Variants in ZFHX3 observed in about 807,000 individuals in gnomAD.
The protein encoded by ZFHX3 is zinc finger homeobox 3, also known as zinc finger homeobox protein 3.
ZFHX3 carries 42 observed loss-of-function variants against 279.1 expected under a neutral mutation model. The observed-to-expected ratio is 0.15, with a 90% CI of 0.12 to 0.19. The LOEUF is 0.19. ZFHX3 is among the 10% of genes least tolerant of loss of function. The pLI, the probability that ZFHX3 is intolerant of heterozygous loss-of-function variation, is 1.00. For synonymous variants in ZFHX3, 2,293 were observed against 1,957.8 expected, an observed-to-expected ratio of 1.17 and a Z score of -4.52; for missense variants, 4,981 against 4,754.0, an observed-to-expected ratio of 1.05 and a Z score of -1.40.
intron 1 of ZFHX3, among the ~76,000 whole-genome samples, chr16:73,856,105 A>T (rs1176032641): frequency 6.6e-6 from 1 of 152,188 alleles, no homozygotes; most frequent in Non-Finnish European, 1.5e-5. Flanking sequence ...GTTTACAAAG[A>T]CTTATGTACA....
intron 1 of ZFHX3, among the ~76,000 whole-genome samples, chr16:73,023,848 T>A (rs1964400268): frequency 6.6e-6 from 1 of 152,064 alleles, no homozygotes; most frequent in Non-Finnish European, 1.5e-5. Context: ...CGTGGCTCCA[T>A]CCACGGCAAC....
chr16:72,915,530 C>G (rs554225260), intron 3 of ZFHX3, among the ~76,000 whole-genome samples: 137 of 152,208 alleles, frequency 9.0e-4, no homozygotes, highest in African/African-American at 2.7e-3. Flanking sequence ...TCCTGGATGC[C>G]AAGGCTCAAG....
At chr16:73,746,161 G>C (rs2142264838) in intron 1 of ZFHX3, among the ~76,000 whole-genome samples, 1 of 152,250 alleles carries the variant, frequency 6.6e-6, no homozygotes, top group Admixed American at 6.5e-5. Flanking sequence ...CATATCATTT[G>C]ATTATTGCAT....
chr16:72,943,115 C>A (rs1596991826), intron 3 of ZFHX3, among the ~76,000 whole-genome samples: 2 of 152,314 alleles, frequency 1.3e-5, no homozygotes, highest in East Asian at 1.9e-4. Flanking sequence ...GCTTTTCACA[C>A]CAGCTAGGAA....
At chr16:73,456,933 T>G (rs1307030662) in intron 2 of ZFHX3, among the ~76,000 whole-genome samples, 3 of 152,136 alleles carry the variant, frequency 2.0e-5, no homozygotes, top group Non-Finnish European at 4.4e-5. Flanking sequence ...GTCAGAGGAG[T>G]GCCCCAAAAC....
At chr16:73,492,569 G>A (rs1341618484) in intron 2 of ZFHX3, among the ~76,000 whole-genome samples, 2 of 152,094 alleles carry the variant, frequency 1.3e-5, no homozygotes, top group Admixed American at 6.6e-5. Context: ...CCTGCATAAC[G>A]CATGGGATGC....
chr16:73,823,411 A>G (rs1464485592), intron 1 of ZFHX3, among the ~76,000 whole-genome samples: 1 of 152,224 alleles, frequency 6.6e-6, no homozygotes, highest in Admixed American at 6.5e-5. Context: ...GACAGATGAA[A>G]GGCAACACAG....
intron 1 of ZFHX3, among the ~76,000 whole-genome samples, chr16:73,880,921 A>G (rs966923894): frequency 2.0e-5 from 3 of 152,178 alleles, no homozygotes; most frequent in Non-Finnish European, 2.9e-5. Context: ...TATAGGCGAG[A>G]AGAGTATGAA....
chr16:72,912,168 C>A (rs1463733263), intron 3 of ZFHX3, among the ~76,000 whole-genome samples: 2 of 152,212 alleles, frequency 1.3e-5, no homozygotes, highest in African/African-American at 4.8e-5. Context: ...TAGACAAAGG[C>A]AGGAGCTCGA....
intron 1 of ZFHX3, among the ~76,000 whole-genome samples, chr16:73,797,404 T>C (rs972750983): frequency 1.3e-5 from 2 of 152,202 alleles, no homozygotes; most frequent in African/African-American, 4.8e-5. Flanking sequence ...CCTGTGTTTC[T>C]GGAACTGCAC....
chr16:72,869,328 C>T (rs13331811), intron 4 of ZFHX3, among the ~76,000 whole-genome samples: 4,866 of 152,236 alleles, frequency 0.032, 278 homozygotes, highest in African/African-American at 0.11. Context: ...AGCCAGAGCC[C>T]TCGCCAACCA....
At chr16:72,792,992 T>C (rs1173111965) in intron 9 of ZFHX3, among the ~76,000 whole-genome samples, 1 of 152,228 alleles carries the variant, frequency 6.6e-6, no homozygotes, top group African/African-American at 2.4e-5. Context: ...GAAATTAGTA[T>C]GCCAGGACCC....
chr16:73,752,249 T>C (rs1222609988), intron 1 of ZFHX3, among the ~76,000 whole-genome samples: 2 of 152,212 alleles, frequency 1.3e-5, no homozygotes, highest in Non-Finnish European at 2.9e-5. Flanking sequence ...AACGACCTCC[T>C]TTTGATTTCA....
chr16:73,559,733 G>A (rs1038867528), intron 2 of ZFHX3, among the ~76,000 whole-genome samples: 35 of 152,064 alleles, frequency 2.3e-4, no homozygotes, highest in African/African-American at 6.3e-4. Context: ...GGTCTTTGGC[G>A]GACTCTGGCT....
At chr16:72,879,991 T>C (rs948365916) in intron 4 of ZFHX3, among the ~76,000 whole-genome samples, 9 of 152,170 alleles carry the variant, frequency 5.9e-5, no homozygotes, top group Non-Finnish European at 1.0e-4. Flanking sequence ...TTTCCTGTCC[T>C]AACAAGTGTC....
chr16:72,930,248 T>C (rs1382622170), intron 3 of ZFHX3, among the ~76,000 whole-genome samples: 2 of 151,922 alleles, frequency 1.3e-5, no homozygotes, highest in South Asian at 2.1e-4. Flanking sequence ...TAAAATAAAA[T>C]AATATACTTC....
At chr16:73,598,068 G>T (rs1412845153) in intron 2 of ZFHX3, among the ~76,000 whole-genome samples, 1 of 152,150 alleles carries the variant, frequency 6.6e-6, no homozygotes, top group Non-Finnish European at 1.5e-5. Context: ...CAATATGAGG[G>T]AGGGGACCAA....
At chr16:73,590,210 A>C (rs1567527195) in intron 2 of ZFHX3, among the ~76,000 whole-genome samples, 1 of 152,196 alleles carries the variant, frequency 6.6e-6, no homozygotes, top group Admixed American at 6.5e-5. Flanking sequence ...ATATAAAGAA[A>C]ACATTTTCCA....
chr16:73,636,141 T>C (rs1319881810), intron 2 of ZFHX3, among the ~76,000 whole-genome samples: 3 of 152,216 alleles, frequency 2.0e-5, no homozygotes, highest in South Asian at 2.1e-4. Flanking sequence ...AGTTCTCATA[T>C]AGGTAATGAA....
Sources: gnomAD v4.1 joint callset for allele counts (sites outside exome capture counted in the v4.1 genomes callset) on GRCh38, gnomAD v4.1.1 for gene constraint, MANE v1.5 for transcripts, NCBI Gene and HGNC (gene_info 2026-07-23, HGNC 2026-07-21) for gene names.